Variants in PPP1R13B observed in about 807,000 individuals in gnomAD.
The protein encoded by PPP1R13B is apoptosis-stimulating of p53 protein 1.
PPP1R13B carries 44 observed loss-of-function variants against 119.8 expected under a neutral mutation model. The observed-to-expected ratio is 0.37, with a 90% CI of 0.29 to 0.47. The LOEUF (loss-of-function observed/expected upper bound fraction) is 0.47, where lower values mean the gene tolerates loss of function less well. Ranked by LOEUF, PPP1R13B falls within the 20% of genes least tolerant of loss-of-function variation. The probability of loss-of-function intolerance (pLI) is 0.99; values close to 1 mark genes in which losing one functional copy is unlikely to be tolerated. For synonymous variants in PPP1R13B, 542 were observed against 561.5 expected (o/e 0.97, Z 0.49); for missense variants, 1,227 against 1,413.5 (o/e 0.87, Z 2.12).
chr14:103,755,710 T>C (rs1487173000), intron 5 of PPP1R13B, among the ~76,000 whole-genome samples: 1 of 152,144 alleles, frequency 6.6e-6, no homozygotes, highest in African/African-American at 2.4e-5. Flanking sequence ...CTATAACTAT[T>C]TTGAACAGCA....
chr14:103,797,214 A>G (rs2152040887), intron 2 of PPP1R13B, 157 bp downstream of exon 2: 1 of 604,176 alleles, frequency 1.7e-6, no homozygotes, highest in African/African-American at 1.9e-5. Flanking sequence ...AAGAACTACA[A>G]GCAATATTTT....
At chr14:103,847,107 G>A in intron 1 of PPP1R13B, 192 bp downstream of exon 1, 1 of 985,868 alleles carries the variant, frequency 1.0e-6, no homozygotes, top group Non-Finnish European at 1.2e-6. Context: ...CCGGCCCCGC[G>A]CTGACAGCCC....
chr14:103,844,258 A>G (rs1049450447), intron 1 of PPP1R13B, among the ~76,000 whole-genome samples: 1 of 151,016 alleles, frequency 6.6e-6, no homozygotes, highest in Non-Finnish European at 1.5e-5. Flanking sequence ...CAGGAGTGAA[A>G]CCCTGTCTCG....
At chr14:103,788,779 T>G (rs2085535444) in intron 2 of PPP1R13B, among the ~76,000 whole-genome samples, 1 of 152,190 alleles carries the variant, frequency 6.6e-6, no homozygotes, top group South Asian at 2.1e-4. Flanking sequence ...ATATTGTAAC[T>G]GAAAAAAATT....
chr14:103,763,115 T>C (rs1168958826), intron 4 of PPP1R13B: 1 of 728,112 alleles, frequency 1.4e-6, no homozygotes, highest in Non-Finnish European at 2.4e-6. Context: ...GCAGCAGCTT[T>C]TCCCGCAGCT....
intron 9 of PPP1R13B, 185 bp from the exon 10 acceptor site, chr14:103,743,008 T>C (rs1281261430): frequency 1.6e-6 from 1 of 640,240 alleles, no homozygotes; most frequent in Admixed American, 3.0e-5. Context: ...CACAGACCCG[T>C]GCACAAGACC....
chr14:103,802,240 C>T (rs1371955831), intron 1 of PPP1R13B, among the ~76,000 whole-genome samples: 1 of 151,940 alleles, frequency 6.6e-6, no homozygotes, highest in Non-Finnish European at 1.5e-5. Flanking sequence ...ACCCGGGAGG[C>T]GGAGCTTGCA....
chr14:103,791,432 A>G (rs2152034007), intron 2 of PPP1R13B, among the ~76,000 whole-genome samples: 1 of 152,356 alleles, frequency 6.6e-6, no homozygotes, highest in East Asian at 1.9e-4. Flanking sequence ...TAAACATTAA[A>G]GAAGTAAATT....
rs1177773600 is a variant in PPP1R13B, at chr14:103,742,309, G to A, written c.1321-18C>T. ...TCGATGCCCTAAGTTTAGGTGTTAA[G>A]AAGAAAAACAAAGTCACCCTTTGAA... On this transcript the variant is annotated intron_variant, in intron 10 of 16. Transcript: ENST00000202556. This position sits in a 1 kb window ranked among gnomAD's most constrained non-coding sequence, Gnocchi z 4.9. 6.6e-7 allele frequency: 1 copy of A among 1,522,526 alleles called. No individual in the cohort carries two copies. Among genetic ancestry groups the A allele is most frequent in the South Asian group, 1.3e-5 (1 of 79,130 alleles). The allele number at this position is 1,522,526 out of a possible 1,614,324, so 94.3% of individuals were successfully genotyped here. A position where few individuals can be genotyped will look rare whatever the true frequency, so the allele number is the denominator to read the frequency against.
chr14:103,802,980 C>T (rs1041989861), intron 1 of PPP1R13B, among the ~76,000 whole-genome samples: 7 of 152,114 alleles, frequency 4.6e-5, no homozygotes, highest in African/African-American at 1.7e-4. Context: ...TCATGGCAGA[C>T]TTTAAAGCTT....
At chr14:103,818,566 C>T (rs1303526570) in intron 1 of PPP1R13B, 4 of 852,860 alleles carry the variant, frequency 4.7e-6, no homozygotes, top group Non-Finnish European at 5.6e-6. Flanking sequence ...CTCATGGCAA[C>T]CTCAGAGACA....
Position 103,738,659 on chromosome 14 carries a change from C to G in PPP1R13B, c.2864+20G>C, listed in dbSNP as rs1595704730. On this transcript the variant is annotated intron_variant, in intron 14 of 16. Transcript: ENST00000202556. This position sits in a 1 kb window ranked among gnomAD's most constrained non-coding sequence, Gnocchi z 5.6. ...GCAGGGAAAGTAAATCTGTCCACCC[C>G]ACACTCCTACGGGCCTCACCATCCA... The G allele has an allele frequency of 1.2e-6, 2 of 1,613,502 alleles. No homozygotes were observed. The highest frequency in any genetic ancestry group is 1.7e-6 in the Non-Finnish European group (2 of 1,179,550).
At chr14:103,823,472 G>A (rs1213750939) in intron 1 of PPP1R13B, among the ~76,000 whole-genome samples, 2 of 152,082 alleles carry the variant, frequency 1.3e-5, no homozygotes, top group Admixed American at 6.6e-5. Context: ...GTTCACATAC[G>A]ACTTGCACAC....
At chr14:103,769,701 A>C (rs1046565117) in intron 4 of PPP1R13B, among the ~76,000 whole-genome samples, 1 of 152,166 alleles carries the variant, frequency 6.6e-6, no homozygotes, top group Non-Finnish European at 1.5e-5. Context: ...CTTTGTTCCT[A>C]TCTCTTCAAG....
rs1295292375 is a variant in PPP1R13B at position 103,738,257 on chromosome 14, C to CA, written c.2865-398dup. 1.1e-5 allele frequency: 3 copies of CA among 283,188 alleles called. No individual in the cohort carries two copies. Among genetic ancestry groups the CA allele is most frequent in the Non-Finnish European group, 2.0e-5 (3 of 149,998 alleles). 17.5% of individuals were successfully genotyped at this position (283,188 alleles called of 1,614,324 possible). ...CAAAATAACCCCCACAGGAGACCAA[C>CA]ACGCCTCGCCCAGCAGCAGAGCTCC... On this transcript the variant is annotated intron_variant, in intron 14 of 16. Transcript: ENST00000202556. This position sits in a 1 kb window ranked among gnomAD's most constrained non-coding sequence, Gnocchi z 5.6.
intron 1 of PPP1R13B, 32 bp downstream of exon 1, chr14:103,847,267 G>A: frequency 8.4e-7 from 1 of 1,191,508 alleles, no homozygotes; most frequent in Non-Finnish European, 1.1e-6. Flanking sequence ...CGCGGAGGAA[G>A]CCGCCGCCAC....
At chr14:103,776,010 T>C (rs1399734711) in intron 4 of PPP1R13B, among the ~76,000 whole-genome samples, 2 of 151,868 alleles carry the variant, frequency 1.3e-5, no homozygotes, top group African/African-American at 4.8e-5. Context: ...TCTAAAATAA[T>C]GAAACTGCTA....
intron 1 of PPP1R13B, among the ~76,000 whole-genome samples, chr14:103,815,812 G>A (rs753691296): frequency 2.6e-5 from 4 of 151,620 alleles, no homozygotes; most frequent in Non-Finnish European, 5.9e-5. Context: ...GGCCAGGTGT[G>A]GTGGCTCATG....
chr14:103,774,418 T>C (rs1198351577), intron 4 of PPP1R13B, among the ~76,000 whole-genome samples: 1 of 152,208 alleles, frequency 6.6e-6, no homozygotes, highest in Non-Finnish European at 1.5e-5. Context: ...TGAGTGGTCC[T>C]AGCAAACCAC....
Sources: allele counts gnomAD v4.1 joint callset (sites outside exome capture counted in the v4.1 genomes callset), GRCh38; gene constraint gnomAD v4.1.1; non-coding constraint Gnocchi (gnomAD v3.1); transcripts MANE v1.5; gene names NCBI Gene and HGNC (gene_info 2026-07-23, HGNC 2026-07-21).